The following PDZRN4 variants were observed in gnomAD, a reference collection of about 807,000 sequenced individuals.
PDZRN4 encodes PDZ domain containing ring finger 4, also known as PDZ domain-containing RING finger protein 4.
Under a neutral mutation model 99.0 loss-of-function variants are expected in PDZRN4, and 70 were observed. That is an observed-to-expected ratio of 0.71 (90% CI 0.58 to 0.86). PDZRN4 has a LOEUF of 0.86. Among genes scored for constraint, PDZRN4 ranks in the 40% least tolerant of loss-of-function variants. The pLI, the probability that PDZRN4 is intolerant of heterozygous loss-of-function variation, is 0.00. For missense variants in PDZRN4, 1,474 were observed against 1,331.2 expected (o/e 1.11, Z -1.67); for synonymous variants, 551 against 501.6 (o/e 1.10, Z -1.32).
intron 3 of PDZRN4, among the ~76,000 whole-genome samples, chr12:41,395,959 T>G (rs368155203): frequency 6.6e-6 from 1 of 152,076 alleles, no homozygotes; most frequent in South Asian, 2.1e-4. Context: ...TTTTTTTAAT[T>G]TTTTCATCAT....
intron 3 of PDZRN4, among the ~76,000 whole-genome samples, chr12:41,228,458 AT>A (rs1294301188): frequency 1.3e-5 from 2 of 152,100 alleles, no homozygotes; most frequent in Admixed American, 1.3e-4. Context: ...TGAACTGTCT[AT>A]TTAACTTGGA....
At chr12:41,557,504 A>G (rs1338227575) in intron 7 of PDZRN4, among the ~76,000 whole-genome samples, 1 of 152,172 alleles carries the variant, frequency 6.6e-6, no homozygotes, top group Non-Finnish European at 1.5e-5. Flanking sequence ...GAAGACAGGA[A>G]CATACACAGA....
chr12:41,448,416 C>A (rs961562773), intron 3 of PDZRN4, among the ~76,000 whole-genome samples: 19 of 152,206 alleles, frequency 1.2e-4, no homozygotes, highest in African/African-American at 4.3e-4. Flanking sequence ...GGAGTTTTCA[C>A]TGAGTCCAGG....
At chr12:41,296,939 G>C (rs1287639373) in intron 3 of PDZRN4, among the ~76,000 whole-genome samples, 1 of 152,108 alleles carries the variant, frequency 6.6e-6, no homozygotes, top group Admixed American at 6.5e-5. Context: ...GCCTGGGCAA[G>C]AGAGCAAGAC....
In PDZRN4 at chr12:41,280,513, T is replaced by A. The variant is rs1382540092; in HGVS notation, c.843+86325T>A. ...GCAGTCTGAAGTCAACCTGGGACAC[T>A]CGAGCTTGGTGCGGGGAGGGGCGTC... On this transcript the variant is annotated intron_variant, in intron 3 of 9. Transcript: ENST00000402685. Among the ~76,000 whole-genome samples, 7 of 152,240 alleles carry A rather than the reference T, an allele frequency of 4.6e-5. No individual in the cohort carries two copies. In the South Asian group the frequency reaches 6.2e-4, roughly 14 times the overall value.
At chr12:41,420,453 C>T (rs185134523) in intron 3 of PDZRN4, among the ~76,000 whole-genome samples, 36 of 152,212 alleles carry the variant, frequency 2.4e-4, no homozygotes, top group Admixed American at 9.8e-4. Flanking sequence ...TCTGCTGCCT[C>T]CACCTCATTA....
At position 41,525,172 on chromosome 12, in the gene PDZRN4, C is replaced by T. The variant is rs561717162; in HGVS notation, c.1203+15259C>T. Among the ~76,000 whole-genome samples, 4 of 152,208 alleles carry T rather than the reference C, an allele frequency of 2.6e-5. No individual in the cohort carries two copies. The South Asian group carries it at 8.3e-4, about 32-fold the overall frequency. Reference sequence around the variant, plus strand: ...TGAGTGGGCCGCTATTGCAATACAGCACTCAGGGAGATACCAGGCCTGGAT... The same window carrying T: ...TGAGTGGGCCGCTATTGCAATACAGTACTCAGGGAGATACCAGGCCTGGAT... On this transcript the variant is annotated intron_variant, in intron 5 of 9. Coordinates refer to ENST00000402685, the MANE Select transcript of PDZRN4 (RefSeq NM_001164595.2).
intron 3 of PDZRN4, among the ~76,000 whole-genome samples, chr12:41,450,231 T>C (rs926957496): frequency 6.6e-6 from 1 of 152,216 alleles, no homozygotes; most frequent in African/African-American, 2.4e-5. Context: ...TTATTACTTT[T>C]ACATCTAGGA....
intron 3 of PDZRN4, among the ~76,000 whole-genome samples, chr12:41,341,663 T>A (rs1177494782): frequency 3.3e-5 from 5 of 151,584 alleles, no homozygotes; most frequent in African/African-American, 1.2e-4. Context: ...CTTCTCTACA[T>A]TGAAAACTAT....
At chr12:41,534,161 T>C (rs1178042451) in intron 5 of PDZRN4, among the ~76,000 whole-genome samples, 1 of 152,250 alleles carries the variant, frequency 6.6e-6, no homozygotes, top group Non-Finnish European at 1.5e-5. Context: ...TTTAAGCTAT[T>C]ATACTCATTA....
intron 3 of PDZRN4, among the ~76,000 whole-genome samples, chr12:41,410,567 T>G (rs930997681): frequency 6.6e-6 from 1 of 152,170 alleles, no homozygotes. Flanking sequence ...TATTCACAGT[T>G]TAGATGGTGC....
intron 3 of PDZRN4, among the ~76,000 whole-genome samples, chr12:41,270,283 T>TG (rs1305317567): frequency 1.9e-5 from 2 of 104,758 alleles, no homozygotes; most frequent in African/African-American, 3.1e-5. Flanking sequence ...TGTCTGTGTG[T>TG]GTGGTGTGTG....
chr12:41,475,696 GTTTA>G (rs1330881134), intron 3 of PDZRN4, among the ~76,000 whole-genome samples: 1 of 152,032 alleles, frequency 6.6e-6, no homozygotes, highest in Non-Finnish European at 1.5e-5. Context: ...CTCAAATTTT[GTTTA>G]TTTCTTTTAT....
intron 3 of PDZRN4, among the ~76,000 whole-genome samples, chr12:41,272,086 C>CA (rs1238206448): frequency 3.3e-5 from 5 of 150,474 alleles, no homozygotes; most frequent in South Asian, 4.2e-4. Context: ...GAAAGAATGG[C>CA]AAAAAAAATT....
chr12:41,547,670 C>T (rs552742012), intron 5 of PDZRN4, among the ~76,000 whole-genome samples: 21 of 152,144 alleles, frequency 1.4e-4, no homozygotes, highest in African/African-American at 5.1e-4. Flanking sequence ...GTATGAATCA[C>T]TTCTCACTTA....
At chr12:41,270,793 A>G (rs1951310243) in intron 3 of PDZRN4, among the ~76,000 whole-genome samples, 1 of 152,164 alleles carries the variant, frequency 6.6e-6, no homozygotes, top group Non-Finnish European at 1.5e-5. Flanking sequence ...AGTTACGTAG[A>G]AATCTCAAAA....
At chr12:41,497,541 C>CA in intron 3 of PDZRN4, among the ~76,000 whole-genome samples, 1 of 152,206 alleles carries the variant, frequency 6.6e-6, no homozygotes, top group Middle Eastern at 3.4e-3. Context: ...ACCATTTCAT[C>CA]AGTGGGATCT....
At chr12:41,231,644 T>C (rs1007932308) in intron 3 of PDZRN4, among the ~76,000 whole-genome samples, 1 of 152,162 alleles carries the variant, frequency 6.6e-6, no homozygotes, top group African/African-American at 2.4e-5. Flanking sequence ...TAGTTTCATT[T>C]ATTTTTACTA....
intron 3 of PDZRN4, among the ~76,000 whole-genome samples, chr12:41,393,698 A>T (rs1952226109): frequency 6.6e-6 from 1 of 152,184 alleles, no homozygotes; most frequent in African/African-American, 2.4e-5. Flanking sequence ...TTGCAGAGTG[A>T]TTATTTTCTC....
Sources: gnomAD v4.1 joint callset for allele counts (sites outside exome capture counted in the v4.1 genomes callset) on GRCh38, gnomAD v4.1.1 for gene constraint, MANE v1.5 for transcripts, NCBI Gene and HGNC (gene_info 2026-07-23, HGNC 2026-07-21) for gene names.